Variants in GK observed in about 807,000 individuals in gnomAD.
GK encodes the protein ATP:glycerol 3-phosphotransferase.
A neutral mutation model predicts 56.4 loss-of-function variants in GK; 9 were observed. The observed-to-expected ratio is 0.16, with a 90% confidence interval of 0.10 to 0.28. The LOEUF (loss-of-function observed/expected upper bound fraction) is 0.28, where lower values mean the gene tolerates loss of function less well. Ranked by LOEUF, GK falls within the 10% of genes least tolerant of loss-of-function variation. The pLI is 1.00. For synonymous variants in GK, 104 were observed against 144.1 expected, an observed-to-expected ratio of 0.72 and a Z score of 1.99; for missense variants, 161 against 431.4, an observed-to-expected ratio of 0.37 and a Z score of 5.55.
At chrX:30,704,367 G>A (rs1366801017) in intron 11 of GK, among the ~76,000 whole-genome samples, 1 of 107,853 alleles carries the variant, frequency 9.3e-6, no homozygotes, top group African/African-American at 3.4e-5. Context: ...CTGGGCTCAA[G>A]CAATCCTCCT....
Position 30,724,164 on chromosome X carries a change from C to T in GK, c.1565C>T (p.Thr522Ile), listed in dbSNP as rs1470236963. The T allele has an allele frequency of 1.7e-6, 2 of 1,145,048 alleles. No individual in the cohort carries two copies. The highest frequency in any genetic ancestry group is 2.4e-6 in the Non-Finnish European group (2 of 836,361). The allele number at this position is 1,145,048 out of a possible 1,213,427, so 94.4% of individuals were successfully genotyped here. The change falls in exon 19 of 21, where the codon ACT becomes ATT. Residue 522 changes from threonine to isoleucine, a missense_variant. Physicochemically the swap from Thr to Ile is moderately conservative, Grantham distance 89 (BLOSUM62 -1). Transcript: ENST00000427190. ...ATGAAGTCAATGGGTTGGGTTACAA[C>T]TCAATCTCCAGAAAGTGGTAAAAAT... ...AVMKSMGWVT[T>I]QSPESGDPSI...
chrX:30,704,887 A>C (rs1463264475), intron 11 of GK, among the ~76,000 whole-genome samples: 1 of 111,804 alleles, frequency 8.9e-6, no homozygotes, highest in Non-Finnish European at 1.9e-5. Flanking sequence ...GACTTTCAAG[A>C]GTGAAGTTGT....
intron 5 of GK, among the ~76,000 whole-genome samples, chrX:30,693,011 CTT>C (rs1184645786): frequency 1.1e-4 from 6 of 56,619 alleles, no homozygotes; most frequent in Non-Finnish European, 1.6e-4. Flanking sequence ...TTTTTCTTTT[CTT>C]TTTTTTTTTT....
chrX:30,699,566 G>A (rs2038969542), intron 9 of GK, among the ~76,000 whole-genome samples: 1 of 108,502 alleles, frequency 9.2e-6, no homozygotes, highest in African/African-American at 3.4e-5. Context: ...GTTTCACCAT[G>A]TTGGCCAGGC....
At chrX:30,678,852 ATTT>A (rs58342528) in intron 4 of GK, among the ~76,000 whole-genome samples, 20 of 77,182 alleles carry the variant, frequency 2.6e-4, no homozygotes, top group Non-Finnish European at 4.2e-4. Context: ...ATGCCCAGCT[ATTT>A]TTTTTTTTTT....
intron 11 of GK, among the ~76,000 whole-genome samples, chrX:30,706,655 A>C (rs1250014405): frequency 8.9e-6 from 1 of 112,319 alleles, no homozygotes; most frequent in Non-Finnish European, 1.9e-5. Context: ...CAGAATCCAA[A>C]GTTTATATTG....
chrX:30,683,387 T>C (rs1934397504), intron 4 of GK, among the ~76,000 whole-genome samples: 1 of 110,764 alleles, frequency 9.0e-6, no homozygotes, highest in African/African-American at 3.3e-5. Context: ...AACAAGCATA[T>C]GAGAGGAGCA....
intron 6 of GK, chrX:30,695,183 T>C: frequency 1.4e-5 from 13 of 908,049 alleles, no homozygotes; most frequent in Non-Finnish European, 1.8e-5. Context: ...CAAGGAAATA[T>C]TGTCCCCACT....
At chrX:30,719,611 A>T in intron 15 of GK, 96 bp downstream of exon 15, 2 of 531,677 alleles carry the variant, frequency 3.8e-6, no homozygotes, top group South Asian at 5.8e-5. Flanking sequence ...TCAAATAATT[A>T]TAATGTGTTG....
intron 3 of GK, among the ~76,000 whole-genome samples, chrX:30,672,539 C>A (rs922284621): frequency 8.9e-6 from 1 of 112,440 alleles, no homozygotes; most frequent in Admixed American, 9.4e-5. Context: ...TCAGGCCGGG[C>A]GCAGTGGCTC....
chrX:30,725,600 G>A (rs1296274271), intron 19 of GK, among the ~76,000 whole-genome samples: 3 of 111,767 alleles, frequency 2.7e-5, no homozygotes, highest in Non-Finnish European at 3.8e-5. Context: ...TCTTTAACTA[G>A]CTGGATGTTT....
rs1246280271 is a variant in GK at position 30,720,898 on chromosome X, G to A, written c.1404G>A (p.Ala468=). The change falls in exon 18 of 21, where the codon GCG becomes GCA. Residue 468 remains alanine (A), a synonymous_variant. Transcript: ENST00000427190. ...PETTALGAAM[A]AGAAEGVGVW... ...CCACTGCACTGGGTGCGGCTATGGC[G>A]GCAGGGGCTGCAGAAGGAGTCGGCG... 21 of 1,209,898 alleles carry A rather than the reference G, an allele frequency of 1.7e-5. No homozygotes were observed. Among genetic ancestry groups the A allele is most frequent in the Admixed American group, 2.2e-5 (1 of 45,869 alleles).
At chrX:30,718,417 C>T (rs1936733708) in intron 13 of GK, 121 bp from the exon 14 acceptor site, 6 of 512,318 alleles carry the variant, frequency 1.2e-5, no homozygotes, top group South Asian at 5.3e-5. Context: ...ACATATTTGT[C>T]GGAGTCTCAA....
At position 30,724,089 on chromosome X, in the gene GK, T is replaced by C; in HGVS notation, c.1502-12T>C. 7 of 1,096,199 alleles carry C rather than the reference T, an allele frequency of 6.4e-6. No individual in the cohort carries two copies. Among genetic ancestry groups the C allele is most frequent in the Non-Finnish European group, 7.6e-6 (6 of 792,117 alleles). The allele number at this position is 1,096,199 out of a possible 1,213,427, so 90.3% of individuals were successfully genotyped here. A position where few individuals can be genotyped will look rare whatever the true frequency, so the allele number is the denominator to read the frequency against. Reference sequence around the variant, plus strand: ...CCTTTCGTTATGTGTTTTTTCTACCTTCTAATTCTAGAAAGTGAAATTCGT... The same window carrying C: ...CCTTTCGTTATGTGTTTTTTCTACCCTCTAATTCTAGAAAGTGAAATTCGT... On this transcript the variant is annotated splice_polypyrimidine_tract_variant and intron_variant, in intron 18 of 20. Coordinates refer to ENST00000427190, the MANE Select transcript of GK (RefSeq NM_001205019.2).
chrX:30,675,519 CTTTTT>C (rs752900168), intron 3 of GK, among the ~76,000 whole-genome samples: 66 of 90,178 alleles, frequency 7.3e-4, no homozygotes, highest in African/African-American at 2.2e-3. Context: ...TTTTATTCTT[CTTTTT>C]TTTTTTTTTT....
intron 13 of GK, among the ~76,000 whole-genome samples, chrX:30,712,717 CTTTT>C (rs769269247): frequency 3.6e-3 from 172 of 48,384 alleles, no homozygotes; most frequent in African/African-American, 0.015. Flanking sequence ...TTTTTCTTTT[CTTTT>C]TTTTTTTTTT....
intron 13 of GK, among the ~76,000 whole-genome samples, chrX:30,708,392 A>C (rs1045968798): frequency 3.8e-5 from 4 of 106,502 alleles, no homozygotes; most frequent in Admixed American, 1.0e-4. Flanking sequence ...AGAGCTCTAC[A>C]ATGTAAGGTT....
At chrX:30,681,149 C>T (rs73452129) in intron 4 of GK, among the ~76,000 whole-genome samples, 127 of 111,899 alleles carry the variant, frequency 1.1e-3, no homozygotes, top group African/African-American at 3.5e-3. Context: ...AAACAAGTGA[C>T]ATTAGAAACA....
chrX:30,708,888 C>T (rs1936170820), intron 13 of GK, among the ~76,000 whole-genome samples: 1 of 111,822 alleles, frequency 8.9e-6, no homozygotes, highest in South Asian at 3.7e-4. Flanking sequence ...ATAATTTGGT[C>T]ACAAGTTAAA....
Sources: gnomAD v4.1 joint callset for allele counts (sites outside exome capture counted in the v4.1 genomes callset) on GRCh38, gnomAD v4.1.1 for gene constraint, MANE v1.5 for transcripts, NCBI Gene and HGNC (gene_info 2026-07-23, HGNC 2026-07-21) for gene names.